The following LRP12 variants were observed in gnomAD, a reference collection of about 807,000 sequenced individuals.
LRP12 encodes the protein low-density lipoprotein receptor-related protein 12.
Under a neutral mutation model 66.0 loss-of-function variants are expected in LRP12, and 14 were observed. The ratio of observed to expected loss-of-function variants is 0.21; its 90% CI spans 0.14 to 0.33. LRP12 has a LOEUF of 0.33. LRP12 is among the 10% of genes least tolerant of loss of function. The pLI is 1.00. For missense variants in LRP12, 889 were observed against 1,053.4 expected, an observed-to-expected ratio of 0.84 and a Z score of 2.16; for synonymous variants, 357 against 359.1, an observed-to-expected ratio of 0.99 and a Z score of 0.07.
At chr8:104,571,037 T>C (rs1249628184) in intron 1 of LRP12, among the ~76,000 whole-genome samples, 1 of 152,046 alleles carries the variant, frequency 6.6e-6, no homozygotes, top group Non-Finnish European at 1.5e-5. Flanking sequence ...CCTTCTAGAA[T>C]GACAAAAATA....
chr8:104,586,835 C>CTTT (rs201507625), intron 1 of LRP12, among the ~76,000 whole-genome samples: 17 of 146,862 alleles, frequency 1.2e-4, no homozygotes, highest in African/African-American at 4.2e-4. Context: ...TCACTACCTC[C>CTTT]TTTTTTTTTT....
intron 1 of LRP12, among the ~76,000 whole-genome samples, chr8:104,558,768 CAAAT>C (rs1012350684): frequency 4.0e-5 from 6 of 149,262 alleles, no homozygotes; most frequent in African/African-American, 1.2e-4. Context: ...AAAAAAAAAA[CAAAT>C]AATCCTATTG....
At chr8:104,504,861 T>G (rs2140839202) in intron 3 of LRP12, 1 of 152,342 alleles carries the variant, frequency 6.6e-6, no homozygotes, top group South Asian at 2.1e-4. Flanking sequence ...GCTATGTAAT[T>G]AAGTAAATGA....
At chr8:104,561,318 T>TA (rs1393683469) in intron 1 of LRP12, among the ~76,000 whole-genome samples, 1 of 152,132 alleles carries the variant, frequency 6.6e-6, no homozygotes, top group Non-Finnish European at 1.5e-5. Flanking sequence ...GAAGAAGACA[T>TA]ACACTGTCTC....
intron 1 of LRP12, among the ~76,000 whole-genome samples, chr8:104,563,964 T>C (rs764610335): frequency 3.2e-4 from 49 of 152,330 alleles, no homozygotes; most frequent in Admixed American, 1.2e-3. Context: ...GCCTGGCTCA[T>C]AGTAACTACT....
intron 2 of LRP12, among the ~76,000 whole-genome samples, chr8:104,517,688 C>A (rs1348226000): frequency 6.6e-6 from 1 of 151,954 alleles, no homozygotes; most frequent in African/African-American, 2.4e-5. Context: ...GTCATTTGGC[C>A]ATCTCATTTT....
rs1200640242 is a variant in LRP12 at position 104,491,104 on chromosome 8, G to C, written c.2149C>G (p.Pro717Ala). 2 of 1,613,898 alleles carry C rather than the reference G, an allele frequency of 1.2e-6. No homozygotes were observed. Among genetic ancestry groups the C allele is most frequent in the Non-Finnish European group, 1.7e-6 (2 of 1,180,010 alleles). Residue 717 changes from proline (P) to alanine (A), a missense_variant, in exon 7 of 7, where the codon CCA (proline) becomes GCA (alanine). Transcript: ENST00000276654. The stretch of plus-strand genomic sequence containing the variant: ...TGGTGACGTGCTGGACTCACACTTG[G>C]GGGTTCCACACTTGTCACATCCCTT... ...NGRDVTSVEP[P>A]SVSPARHQLT...
chr8:104,517,787 TA>T (rs2140850385), intron 2 of LRP12, among the ~76,000 whole-genome samples: 1 of 152,206 alleles, frequency 6.6e-6, no homozygotes, highest in East Asian at 1.9e-4. Context: ...TGAAAACTAG[TA>T]AGAAGGATTT....
At chr8:104,567,706 T>C (rs937085443) in intron 1 of LRP12, among the ~76,000 whole-genome samples, 6 of 152,092 alleles carry the variant, frequency 3.9e-5, no homozygotes, top group African/African-American at 7.2e-5. Context: ...AAGAAAACAA[T>C]TCCACTTACA....
chr8:104,504,841 T>C (rs1304083471), intron 3 of LRP12: 1 of 152,218 alleles, frequency 6.6e-6, no homozygotes, highest in African/African-American at 2.4e-5. Context: ...TTGCTTTGCA[T>C]GTATTTTAGG....
chr8:104,530,358 G>T (rs935135193), intron 2 of LRP12, among the ~76,000 whole-genome samples: 9 of 152,220 alleles, frequency 5.9e-5, no homozygotes, highest in Admixed American at 3.3e-4. Flanking sequence ...GTTAAATGAG[G>T]TCATAAGGAT....
In LRP12 at chr8:104,497,116, C is replaced by T; in HGVS notation, c.1436G>A (p.Gly479Asp). 6.2e-7 allele frequency: 1 copy of T among 1,613,482 alleles called. No homozygotes were observed. The highest frequency in any genetic ancestry group is 8.5e-7 in the Non-Finnish European group (1 of 1,179,668). ...VCDSQDDCGD[G>D]SDEENCPVIV... The stretch of plus-strand genomic sequence containing the variant: ...TACTGGGCAATTTTCTTCATCGCTG[C>T]CATCACCACAGTCATCTTGAGAATC... Residue 479 changes from glycine (G) to aspartate (D), a missense_variant, in exon 5 of 7, where the codon GGC becomes GAC. Gly to Asp is a moderately conservative substitution (Grantham distance 94). This residue lies in a region of LRP12 where 800 missense variants were observed against 964.5 expected (regional missense o/e 0.83). Coordinates refer to ENST00000276654, the MANE Select transcript of LRP12 (RefSeq NM_013437.5). The surrounding 1 kb of genome is among the most constrained non-coding windows in gnomAD (Gnocchi z 4.3).
intron 1 of LRP12, among the ~76,000 whole-genome samples, chr8:104,546,660 GT>G (rs1346925358): frequency 6.6e-6 from 1 of 151,612 alleles, no homozygotes; most frequent in African/African-American, 2.4e-5. Flanking sequence ...TAAAAATTGA[GT>G]TTTCACCTAA....
Position 104,531,647 on chromosome 8 carries a change from T to A in LRP12, c.136+260A>T, listed in dbSNP as rs530696977. ...AAATACTAATTCAACTTGAGCTAAC[T>A]TTTCTCTAGGTTCAATGTTTGTATG... On this transcript the variant is annotated intron_variant, in intron 2 of 6. Transcript: ENST00000276654. 3.3e-5 allele frequency among the ~76,000 whole-genome samples: 5 copies of A among 152,240 alleles called. No homozygotes were observed. The South Asian group carries it at 1.0e-3, about 32-fold the overall frequency.
intron 1 of LRP12, among the ~76,000 whole-genome samples, chr8:104,564,915 AGAGT>A (rs1376208682): frequency 6.6e-6 from 1 of 150,438 alleles, no homozygotes; most frequent in Non-Finnish European, 1.5e-5. Flanking sequence ...CCTGGGTAAC[AGAGT>A]GAGACTCTGT....
intron 2 of LRP12, among the ~76,000 whole-genome samples, chr8:104,529,349 GTTGT>G (rs1272461495): frequency 2.0e-5 from 3 of 152,080 alleles, no homozygotes; most frequent in South Asian, 4.1e-4. Flanking sequence ...ATAAATTTAT[GTTGT>G]TTAAGTTACC....
intron 1 of LRP12, among the ~76,000 whole-genome samples, chr8:104,580,651 GACAT>G (rs1317889857): frequency 1.3e-5 from 2 of 151,952 alleles, no homozygotes; most frequent in Non-Finnish European, 2.9e-5. Context: ...TTCAAAAAAA[GACAT>G]ACATACAGCC....
At chr8:104,583,933 C>A (rs1812292713) in intron 1 of LRP12, among the ~76,000 whole-genome samples, 1 of 152,050 alleles carries the variant, frequency 6.6e-6, no homozygotes, top group South Asian at 2.1e-4. Context: ...TTCCTTCCTT[C>A]CCTTCTATAA....
chr8:104,581,295 CG>C (rs1588512613), intron 1 of LRP12, among the ~76,000 whole-genome samples: 1 of 151,746 alleles, frequency 6.6e-6, no homozygotes, highest in East Asian at 1.9e-4. Context: ...CAGAAGGTGG[CG>C]GGTGGGACAA....
Sources: allele counts gnomAD v4.1 joint callset (sites outside exome capture counted in the v4.1 genomes callset), GRCh38; gene constraint gnomAD v4.1.1; regional missense constraint gnomAD v4.1.1; non-coding constraint Gnocchi (gnomAD v3.1); transcripts MANE v1.5; gene names NCBI Gene and HGNC (gene_info 2026-07-23, HGNC 2026-07-21).